SLC13A3: variants seen among roughly 807,000 people sequenced by gnomAD.
SLC13A3 encodes the protein solute carrier family 13 member 3.
A neutral mutation model predicts 59.0 loss-of-function variants in SLC13A3; 40 were observed. That is an observed-to-expected ratio of 0.68 (90% CI 0.53 to 0.88). The LOEUF (loss-of-function observed/expected upper bound fraction) is 0.88. Among genes scored for constraint, SLC13A3 ranks in the 40% least tolerant of loss-of-function variants. The pLI, the probability that SLC13A3 is intolerant of heterozygous loss-of-function variation, is 0.00. For synonymous variants in SLC13A3, 317 were observed against 330.3 expected (o/e 0.96, Z 0.44); for missense variants, 699 against 783.2 (o/e 0.89, Z 1.28).
intron 1 of SLC13A3, among the ~76,000 whole-genome samples, chr20:46,624,930 C>T (rs896057297): frequency 6.6e-6 from 1 of 151,818 alleles, no homozygotes; most frequent in African/African-American, 2.4e-5. Flanking sequence ...GGGGAGCAGC[C>T]AGGGGAAAAA....
chr20:46,582,258 T>C (rs2062146128), intron 9 of SLC13A3, among the ~76,000 whole-genome samples: 1 of 152,048 alleles, frequency 6.6e-6, no homozygotes, highest in African/African-American at 2.4e-5. Context: ...TAGCTGGGAC[T>C]ACCAGGAATG....
intron 1 of SLC13A3, among the ~76,000 whole-genome samples, chr20:46,615,719 C>T (rs1334536869): frequency 6.6e-6 from 1 of 152,188 alleles, no homozygotes; most frequent in Non-Finnish European, 1.5e-5. Flanking sequence ...TTGAAAAACA[C>T]ATCCCGAGAC....
At position 46,587,968 on chromosome 20, in the gene SLC13A3, C is replaced by T. The variant is rs111581318; in HGVS notation, c.1121+91G>A. The stretch of plus-strand genomic sequence containing the variant: ...AAGATGGAAACTTGGATGCGTGTCT[C>T]CCCAGCTGCACTGCCGCCTCTCCAG... On this transcript the variant is annotated intron_variant, in intron 8 of 12. Coordinates refer to ENST00000279027, the MANE Select transcript of SLC13A3 (RefSeq NM_022829.6). The T allele has an allele frequency of 1.6e-4, 101 of 616,672 alleles. 1 individual carries two copies. The highest frequency in any genetic ancestry group is 1.3e-3 in the African/African-American group (69 of 54,306). 38.2% of individuals were successfully genotyped at this position (616,672 alleles called of 1,614,324 possible). A position where few individuals can be genotyped will look rare whatever the true frequency, so the allele number is the denominator to read the frequency against.
At chr20:46,613,765 C>G in intron 1 of SLC13A3, 40 bp from the exon 2 acceptor site, 13 of 1,388,270 alleles carry the variant, frequency 9.4e-6, no homozygotes, top group South Asian at 3.2e-5. Flanking sequence ...CAGCGGGGCT[C>G]GGGGCAGAAG....
intron 10 of SLC13A3, among the ~76,000 whole-genome samples, chr20:46,573,072 C>A (rs927597680): frequency 6.6e-6 from 1 of 152,224 alleles, no homozygotes; most frequent in East Asian, 1.9e-4. Context: ...AAAATGGAGA[C>A]AAATAACAGT....
chr20:46,582,482 A>G (rs1273110858), intron 9 of SLC13A3: 1 of 258,054 alleles, frequency 3.9e-6, no homozygotes, highest in African/African-American at 2.3e-5. Context: ...TCACACCTGT[A>G]ATCCCAGCTT....
intron 1 of SLC13A3, among the ~76,000 whole-genome samples, chr20:46,675,523 G>A (rs2063119521): frequency 6.7e-6 from 1 of 149,980 alleles, no homozygotes; most frequent in Non-Finnish European, 1.5e-5. Context: ...TAGGATTACA[G>A]GCACGAGCAA....
chr20:46,626,484 C>G (rs2062674020), intron 1 of SLC13A3, among the ~76,000 whole-genome samples: 1 of 152,104 alleles, frequency 6.6e-6, no homozygotes, highest in Non-Finnish European at 1.5e-5. Context: ...GAAGTCAATC[C>G]TTGGCCCACT....
chr20:46,650,976 C>T (rs1318844399), intron 1 of SLC13A3, among the ~76,000 whole-genome samples: 1 of 152,090 alleles, frequency 6.6e-6, no homozygotes, highest in Non-Finnish European at 1.5e-5. Flanking sequence ...TCGCTTAAGT[C>T]CAGGAGTTGG....
chr20:46,587,855 C>T (rs2062209745), intron 8 of SLC13A3, among the ~76,000 whole-genome samples: 2 of 152,168 alleles, frequency 1.3e-5, no homozygotes, highest in Admixed American at 6.5e-5. Flanking sequence ...ATCCAGAGCT[C>T]CCAACACATG....
chr20:46,654,531 AT>A (rs1019322081), upstream of SLC13A3, among the ~76,000 whole-genome samples: 156 of 151,606 alleles, frequency 1.0e-3, 1 homozygote, highest in African/African-American at 3.7e-3. Flanking sequence ...ATCAGGTATA[AT>A]TTTTTTTTCT....
At chr20:46,663,308 G>A (rs546203980) in intron 1 of SLC13A3, among the ~76,000 whole-genome samples, 20 of 151,970 alleles carry the variant, frequency 1.3e-4, no homozygotes, top group Admixed American at 1.3e-3. Flanking sequence ...AGCAGGCCAT[G>A]GTGGTGCACG....
upstream of SLC13A3, among the ~76,000 whole-genome samples, chr20:46,653,107 T>C (rs1264116305): frequency 6.6e-6 from 1 of 152,178 alleles, no homozygotes; most frequent in Non-Finnish European, 1.5e-5. Flanking sequence ...TATTATTTGG[T>C]TTTTTACAGT....
chr20:46,583,159 G>T (rs545773997), intron 9 of SLC13A3: 121 of 766,892 alleles, frequency 1.6e-4, no homozygotes, highest in Non-Finnish European at 1.8e-4. Flanking sequence ...TATTGTGTAG[G>T]TACTTATATA....
intron 8 of SLC13A3, chr20:46,584,119 C>T: frequency 1.0e-6 from 1 of 985,362 alleles, no homozygotes; most frequent in Non-Finnish European, 1.2e-6. Flanking sequence ...CCCAGATTGA[C>T]CCAGCCTCTT....
At chr20:46,608,829 C>T in intron 3 of SLC13A3, 1 of 1,509,796 alleles carries the variant, frequency 6.6e-7, no homozygotes, top group Non-Finnish European at 8.9e-7. Context: ...TGATCCAAAG[C>T]CACAGGGGCA....
Position 46,592,331 on chromosome 20 carries a change from T to C in SLC13A3, c.920+73A>G, listed in dbSNP as rs576214490. The C allele has an allele frequency of 8.4e-6, 13 of 1,541,766 alleles. No individual in the cohort carries two copies. The South Asian group carries it at 1.1e-4, about 12-fold the overall frequency. On this transcript the variant is annotated intron_variant, in intron 6 of 12. Coordinates refer to ENST00000279027, the MANE Select transcript of SLC13A3 (RefSeq NM_022829.6). ...AAATAACAATCATCCTCAGTTTTCA[T>C]AGGCAGATACTGAGGTTAGAAACGC...
intron 8 of SLC13A3, among the ~76,000 whole-genome samples, chr20:46,586,250 T>A (rs898112275): frequency 2.0e-5 from 3 of 152,308 alleles, no homozygotes; most frequent in South Asian, 2.1e-4. Flanking sequence ...TATTTAATCA[T>A]GTTCCCACTC....
chr20:46,562,769 C>T (rs1051675244), intron 12 of SLC13A3, among the ~76,000 whole-genome samples: 2 of 152,104 alleles, frequency 1.3e-5, no homozygotes, highest in African/African-American at 2.4e-5. Context: ...TCTGTGTCTC[C>T]CTTTCTGCCT....
Sources: gnomAD v4.1 joint callset for allele counts (sites outside exome capture counted in the v4.1 genomes callset) on GRCh38, gnomAD v4.1.1 for gene constraint, MANE v1.5 for transcripts, NCBI Gene and HGNC (gene_info 2026-07-23, HGNC 2026-07-21) for gene names.